The following KALRN variants were observed in gnomAD, a reference collection of about 807,000 sequenced individuals.
KALRN encodes the protein kalirin.
A neutral mutation model predicts 353.7 loss-of-function variants in KALRN; 70 were observed. That is an observed-to-expected ratio of 0.20 (90% CI 0.16 to 0.24). KALRN has a LOEUF of 0.24. KALRN is among the 10% of genes least tolerant of loss of function. KALRN has a pLI of 1.00. For synonymous variants in KALRN, 1,391 were observed against 1,434.8 expected (o/e 0.97, Z 0.69); for missense variants, 2,791 against 3,756.7 (o/e 0.74, Z 6.72).
At chr3:124,416,977 T>C (rs2092539886) in intron 14 of KALRN, among the ~76,000 whole-genome samples, 1 of 152,234 alleles carries the variant, frequency 6.6e-6, no homozygotes. Context: ...AAGTGTGAAG[T>C]TTATAATATT....
In KALRN at chr3:124,637,297, C is replaced by G; in HGVS notation, c.5658C>G (p.Asn1886Lys). The G allele has an allele frequency of 6.2e-7, 1 of 1,613,530 alleles. No homozygotes were observed. Among genetic ancestry groups the G allele is most frequent in the South Asian group, 1.1e-5 (1 of 91,060 alleles). ...LVNAIEKLVK[N>K]KLSLEGSSYR... ...ATGCAATAGAAAAGTTGGTCAAAAA[C>G]AAGCTGGTAAGTGGGGGTCCTGGAG... Residue 1886 changes from asparagine to lysine, a missense_variant, in exon 37 of 60, where the codon AAC (asparagine) becomes AAG (lysine). Around this residue, in one of 11 missense-constraint regions of KALRN, gnomAD observed 1,065 missense variants for 1,156.4 expected, o/e 0.92. Transcript: ENST00000682506.
chr3:124,412,241 G>A (rs956022614), intron 13 of KALRN, among the ~76,000 whole-genome samples: 1 of 152,120 alleles, frequency 6.6e-6, no homozygotes, highest in Non-Finnish European at 1.5e-5. Context: ...TGATGCTCCT[G>A]GAGCAGCAGT....
At chr3:124,057,955 G>C (rs900599451) in intron 1 of KALRN, among the ~76,000 whole-genome samples, 1 of 152,188 alleles carries the variant, frequency 6.6e-6, no homozygotes, top group Non-Finnish European at 1.5e-5. Flanking sequence ...TTGCAAAAGA[G>C]GTTTATAATG....
At chr3:124,259,383 G>A (rs1463215135) in intron 3 of KALRN, among the ~76,000 whole-genome samples, 1 of 152,184 alleles carries the variant, frequency 6.6e-6, no homozygotes, top group Non-Finnish European at 1.5e-5. Context: ...TGGAGAAAAG[G>A]CATAGTGGTT....
intron 1 of KALRN, among the ~76,000 whole-genome samples, chr3:124,118,779 C>T (rs1247313137): frequency 6.6e-6 from 1 of 152,234 alleles, no homozygotes; most frequent in African/African-American, 2.4e-5. Context: ...GGAAATCCGT[C>T]TTCTCATTTA....
intron 33 of KALRN, among the ~76,000 whole-genome samples, chr3:124,531,984 G>C (rs530916621): frequency 1.3e-5 from 2 of 152,190 alleles, no homozygotes; most frequent in East Asian, 3.8e-4. Context: ...TCAAGACTTA[G>C]AGAACCAATT....
At chr3:124,371,303 C>G (rs1227549732) in intron 10 of KALRN, among the ~76,000 whole-genome samples, 1 of 152,154 alleles carries the variant, frequency 6.6e-6, no homozygotes, top group African/African-American at 2.4e-5. Flanking sequence ...TCCTCTTCAT[C>G]CATTTATTCA....
chr3:124,559,383 CA>C (rs1483125109), intron 33 of KALRN, among the ~76,000 whole-genome samples: 1 of 152,144 alleles, frequency 6.6e-6, no homozygotes, highest in Non-Finnish European at 1.5e-5. Flanking sequence ...GGAAGCCAGG[CA>C]GACAATTAGC....
chr3:124,102,318 G>A (rs1014360050), intron 1 of KALRN, among the ~76,000 whole-genome samples: 2 of 152,130 alleles, frequency 1.3e-5, no homozygotes, highest in African/African-American at 4.8e-5. Flanking sequence ...AGCCTCACCA[G>A]CAACCTTCAT....
intron 1 of KALRN, among the ~76,000 whole-genome samples, chr3:124,214,794 G>C (rs2077179582): frequency 6.6e-6 from 1 of 152,132 alleles, no homozygotes; most frequent in African/African-American, 2.4e-5. Context: ...AACCTCTCTA[G>C]CTTTTGTTTC....
intron 1 of KALRN, among the ~76,000 whole-genome samples, chr3:124,076,206 G>A (rs1384564851): frequency 6.6e-6 from 1 of 152,202 alleles, no homozygotes; most frequent in Non-Finnish European, 1.5e-5. Context: ...ATCTATCTGT[G>A]TGAGCAGGAG....
chr3:124,236,031 A>G (rs1364217163), intron 3 of KALRN, among the ~76,000 whole-genome samples: 1 of 152,198 alleles, frequency 6.6e-6, no homozygotes, highest in Non-Finnish European at 1.5e-5. Flanking sequence ...ATGGGCAGGT[A>G]GTAAAGGGGA....
chr3:124,033,419 G>A lies in KALRN; in HGVS notation c.-322G>A, dbSNP rs968991157. On this transcript the variant is annotated 5_prime_UTR_variant, in exon 1 of 60. Transcript: ENST00000682506. The surrounding 1 kb of genome is among the most constrained non-coding windows in gnomAD (Gnocchi z 6.2). ...AGGAGAGCCAGCTGCCGCTGCTGGGGGACAGCGGGCGCCCAGGCAGCCCGC... is the reference window on the plus strand; with the variant it reads ...AGGAGAGCCAGCTGCCGCTGCTGGGAGACAGCGGGCGCCCAGGCAGCCCGC... Among the ~76,000 whole-genome samples the A allele has an allele frequency of 1.3e-5, 2 of 151,788 alleles. No individual in the cohort carries two copies. Among genetic ancestry groups the A allele is most frequent in the Non-Finnish European group, 2.9e-5 (2 of 67,870 alleles).
At chr3:124,300,382 T>A (rs1022720204) in intron 6 of KALRN, among the ~76,000 whole-genome samples, 4 of 152,116 alleles carry the variant, frequency 2.6e-5, no homozygotes, top group African/African-American at 9.7e-5. Flanking sequence ...CACACACCCA[T>A]CCCTAGCTTG....
chr3:124,717,451 C>T (rs968549241), intron 59 of KALRN, 66 bp downstream of exon 59: 75 of 1,183,100 alleles, frequency 6.3e-5, no homozygotes, highest in Non-Finnish European at 8.4e-5. Flanking sequence ...CTTTGGGAGG[C>T]CAAGGTGGGC....
chr3:124,094,775 T>TCAG, intron 1 of KALRN: 2 of 1,411,426 alleles, frequency 1.4e-6, no homozygotes, highest in South Asian at 2.3e-5. Flanking sequence ...CCTCCTCGAG[T>TCAG]CAGCGGTGGT....
At chr3:124,293,060 G>A (rs2076555963) in intron 5 of KALRN, among the ~76,000 whole-genome samples, 1 of 152,208 alleles carries the variant, frequency 6.6e-6, no homozygotes, top group African/African-American at 2.4e-5. Flanking sequence ...TGGGCGGCTA[G>A]TTTCCCAGAT....
chr3:124,200,443 A>C (rs997613990), intron 1 of KALRN, among the ~76,000 whole-genome samples: 3 of 152,198 alleles, frequency 2.0e-5, no homozygotes, highest in African/African-American at 7.2e-5. Flanking sequence ...TCTGTGTGTC[A>C]TGGCAGCAGG....
At chr3:124,304,521 G>A (rs2077530006) in intron 6 of KALRN, among the ~76,000 whole-genome samples, 1 of 152,144 alleles carries the variant, frequency 6.6e-6, no homozygotes, top group Admixed American at 6.5e-5. Context: ...CATTCTGAAG[G>A]ACAGTTCACT....
Sources: allele counts gnomAD v4.1 joint callset (sites outside exome capture counted in the v4.1 genomes callset), GRCh38; gene constraint gnomAD v4.1.1; regional missense constraint gnomAD v4.1.1; non-coding constraint Gnocchi (gnomAD v3.1); transcripts MANE v1.5; gene names NCBI Gene and HGNC (gene_info 2026-07-23, HGNC 2026-07-21).